Variants in RIC8B observed in about 807,000 individuals in gnomAD.
RIC8B encodes the protein chaperone Ric-8B.
A neutral mutation model predicts 57.5 loss-of-function variants in RIC8B; 16 were observed. The observed-to-expected ratio is 0.28, with a 90% CI of 0.19 to 0.42. RIC8B has a LOEUF of 0.42. RIC8B is among the 10% of genes least tolerant of loss of function. RIC8B has a pLI of 1.00. For synonymous variants in RIC8B, 216 were observed against 250.8 expected, an observed-to-expected ratio of 0.86 and a Z score of 1.31; for missense variants, 481 against 677.0, an observed-to-expected ratio of 0.71 and a Z score of 3.21.
chr12:106,801,083 A>G (rs553723681), intron 2 of RIC8B, among the ~76,000 whole-genome samples: 177 of 152,356 alleles, frequency 1.2e-3, no homozygotes, highest in African/African-American at 3.9e-3. Context: ...ATACTAAAAT[A>G]CATTTCACAT....
chr12:106,841,908 A>G (rs561922505), intron 4 of RIC8B, among the ~76,000 whole-genome samples: 1 of 152,260 alleles, frequency 6.6e-6, no homozygotes, highest in East Asian at 1.9e-4. Context: ...GGTTCCCCCT[A>G]CTGGTGTGCA....
intron 4 of RIC8B, among the ~76,000 whole-genome samples, chr12:106,830,241 C>T (rs2046299334): frequency 6.6e-6 from 1 of 152,118 alleles, no homozygotes. Flanking sequence ...ATAAGGATTG[C>T]GTTGAACCTA....
intron 2 of RIC8B, among the ~76,000 whole-genome samples, chr12:106,801,559 TAA>T (rs1282130422): frequency 6.6e-6 from 1 of 152,132 alleles, no homozygotes; most frequent in Non-Finnish European, 1.5e-5. Flanking sequence ...ATCCATTAAA[TAA>T]AAAGTGAGAA....
At chr12:106,806,052 C>T (rs1215770752) in intron 2 of RIC8B, among the ~76,000 whole-genome samples, 2 of 152,178 alleles carry the variant, frequency 1.3e-5, no homozygotes, top group Non-Finnish European at 2.9e-5. Context: ...CGGGTTCAAG[C>T]GACTCTTCTG....
intron 7 of RIC8B, among the ~76,000 whole-genome samples, chr12:106,858,016 G>A (rs980815862): frequency 3.9e-5 from 6 of 152,194 alleles, no homozygotes; most frequent in African/African-American, 7.2e-5. Flanking sequence ...CAGTGAAAGA[G>A]GAGTTGACAC....
chr12:106,868,179 A>G (rs755019598), intron 8 of RIC8B: 6 of 397,750 alleles, frequency 1.5e-5, no homozygotes, highest in East Asian at 7.2e-5. Flanking sequence ...GGTGCCCACA[A>G]TAAGCCCACA....
At chr12:106,854,545 C>T (rs966953410) in intron 7 of RIC8B, among the ~76,000 whole-genome samples, 1 of 152,110 alleles carries the variant, frequency 6.6e-6, no homozygotes, top group Admixed American at 6.5e-5. Context: ...GTAATCCCAG[C>T]ACTTTGGGAG....
intron 2 of RIC8B, among the ~76,000 whole-genome samples, chr12:106,810,855 A>C (rs918753269): frequency 6.6e-6 from 1 of 152,232 alleles, no homozygotes; most frequent in Non-Finnish European, 1.5e-5. Flanking sequence ...GCACTGCCCT[A>C]TGTGTTTGTA....
At chr12:106,849,012 A>G (rs1949338700) in intron 6 of RIC8B, among the ~76,000 whole-genome samples, 1 of 152,164 alleles carries the variant, frequency 6.6e-6, no homozygotes, top group South Asian at 2.1e-4. Context: ...GGGATGGCTA[A>G]TGGGTACAAA....
At chr12:106,786,042 T>TCACTCTG (rs1220284513) in intron 2 of RIC8B, among the ~76,000 whole-genome samples, 2 of 151,752 alleles carry the variant, frequency 1.3e-5, no homozygotes, top group East Asian at 3.9e-4. Flanking sequence ...AGACGGGCTC[T>TCACTCTG]CACTCTGTTG....
In RIC8B at chr12:106,851,563, T is replaced by C. The variant is rs762309091; in HGVS notation, c.1275T>C (p.Ala425=). 6.8e-6 allele frequency: 11 copies of C among 1,613,080 alleles called. No individual in the cohort carries two copies. The Admixed American group carries it at 1.3e-4, about 20-fold the overall frequency. The part of the protein sequence containing the change: ...HVDLGVKQIA[A]EFLFVLCKER... Reference sequence around the variant, plus strand: ...ACCTTGGAGTCAAGCAAATTGCTGCTGAATTCCTTTTTGTCCTTTGCAAAG... The same window carrying C: ...ACCTTGGAGTCAAGCAAATTGCTGCCGAATTCCTTTTTGTCCTTTGCAAAG... Residue 425 remains alanine (A), a synonymous_variant, in exon 7 of 10, where the codon GCT becomes GCC. Coordinates refer to ENST00000392837, the MANE Select transcript of RIC8B (RefSeq NM_001330145.2).
rs1593406487 is a variant in RIC8B, at chr12:106,879,316, A to G, written c.1572-6588A>G. On this transcript the variant is annotated intron_variant, in intron 9 of 9. Transcript: ENST00000392837. The surrounding 1 kb of genome is among the most constrained non-coding windows in gnomAD (Gnocchi z 4.9). ...GTCAAGTAAAGTGTTTTATACACATACACGTCTGACCTATTCTATATTGTG... is the reference window on the plus strand; with the variant it reads ...GTCAAGTAAAGTGTTTTATACACATGCACGTCTGACCTATTCTATATTGTG... 2.0e-6 allele frequency: 2 copies of G among 985,384 alleles called. No homozygotes were observed. Among genetic ancestry groups the G allele is most frequent in the Non-Finnish European group, 2.4e-6 (2 of 829,914 alleles). The allele number at this position is 985,384 out of a possible 1,614,324, so 61.0% of individuals were successfully genotyped here.
intron 9 of RIC8B, among the ~76,000 whole-genome samples, chr12:106,882,789 G>C (rs1400326649): frequency 1.3e-5 from 2 of 152,146 alleles, no homozygotes; most frequent in South Asian, 4.1e-4. Context: ...GAGCCATGTG[G>C]AGAAGAAAAT....
In RIC8B at chr12:106,800,808, A is replaced by G. The variant is rs141525021; in HGVS notation, c.133-13888A>G. On this transcript the variant is annotated intron_variant, in intron 2 of 9. Coordinates refer to ENST00000392837, the MANE Select transcript of RIC8B (RefSeq NM_001330145.2). The stretch of plus-strand genomic sequence containing the variant: ...AGTAAGGAAATTCCAAAGAGATTGT[A>G]TATAGGAAAGAACTTGATTCACTAA... Among the ~76,000 whole-genome samples the G allele has an allele frequency of 2.5e-3, 380 of 152,304 alleles. 1 individual carries two copies. The highest frequency in any genetic ancestry group is 8.3e-3 in the African/African-American group (347 of 41,580).
At chr12:106,800,305 T>C (rs903975944) in intron 2 of RIC8B, among the ~76,000 whole-genome samples, 4 of 152,100 alleles carry the variant, frequency 2.6e-5, no homozygotes, top group African/African-American at 9.7e-5. Flanking sequence ...CTTTTACTCA[T>C]GGCAGAAGGC....
chr12:106,824,822 G>A (rs566619667), intron 3 of RIC8B, among the ~76,000 whole-genome samples: 110 of 151,940 alleles, frequency 7.2e-4, no homozygotes, highest in African/African-American at 2.5e-3. Flanking sequence ...CAGGAGAGTC[G>A]CCTGAACCTG....
At chr12:106,855,811 ATC>A (rs990710202) in intron 7 of RIC8B, among the ~76,000 whole-genome samples, 2 of 152,006 alleles carry the variant, frequency 1.3e-5, no homozygotes, top group African/African-American at 4.8e-5. Flanking sequence ...AGATTCCCAA[ATC>A]TATGTATCTT....
intron 8 of RIC8B, among the ~76,000 whole-genome samples, chr12:106,869,978 T>C (rs537272454): frequency 1.4e-4 from 22 of 151,972 alleles, no homozygotes; most frequent in Non-Finnish European, 2.8e-4. Context: ...TGTACTTGGC[T>C]GGTACAAGAT....
chr12:106,774,998 T>C, intron 1 of RIC8B, 169 bp downstream of exon 1: 1 of 595,026 alleles, frequency 1.7e-6, no homozygotes, highest in Middle Eastern at 4.1e-4. Context: ...TTTCCATCCA[T>C]GCATCCTGCA....
Sources: allele counts gnomAD v4.1 joint callset (sites outside exome capture counted in the v4.1 genomes callset), GRCh38; gene constraint gnomAD v4.1.1; non-coding constraint Gnocchi (gnomAD v3.1); transcripts MANE v1.5; gene names NCBI Gene and HGNC (gene_info 2026-07-23, HGNC 2026-07-21).